Variants in RBBP8 observed in about 807,000 individuals in gnomAD.
RBBP8 encodes the protein DNA endonuclease RBBP8.
Under a neutral mutation model 108.3 loss-of-function variants are expected in RBBP8, and 88 were observed. The observed-to-expected ratio is 0.81, with a 90% confidence interval of 0.68 to 0.97. The LOEUF (loss-of-function observed/expected upper bound fraction) is 0.97, where lower values mean the gene tolerates loss of function less well. Among genes scored for constraint, RBBP8 ranks in the 50% least tolerant of loss-of-function variants. The probability of loss-of-function intolerance (pLI) is 0.00; values close to 1 mark genes in which losing one functional copy is unlikely to be tolerated. For missense variants in RBBP8, 1,023 were observed against 1,049.0 expected (o/e 0.98, Z 0.34); for synonymous variants, 332 against 348.2 (o/e 0.95, Z 0.52).
chr18:23,002,731 A>G (rs952300244), intron 15 of RBBP8, among the ~76,000 whole-genome samples: 6 of 152,114 alleles, frequency 3.9e-5, no homozygotes, highest in Non-Finnish European at 7.4e-5. Context: ...CATACCTTCT[A>G]CTGTGGCACA....
chr18:22,918,888 T>A (rs918200529), intron 3 of RBBP8, among the ~76,000 whole-genome samples: 6 of 152,174 alleles, frequency 3.9e-5, no homozygotes, highest in Non-Finnish European at 5.9e-5. Context: ...CTATATGCTC[T>A]AAGGATTGTG....
intron 6 of RBBP8, among the ~76,000 whole-genome samples, chr18:22,981,052 A>C (rs1263494940): frequency 1.6e-5 from 1 of 64,154 alleles, no homozygotes; most frequent in African/African-American, 4.5e-5. Flanking sequence ...AGCTCACTGC[A>C]AGCTCCGACT....
intron 18 of RBBP8, among the ~76,000 whole-genome samples, chr18:23,022,651 TATAAA>T (rs1555650123): frequency 2.4e-5 from 2 of 84,372 alleles, no homozygotes; most frequent in East Asian, 2.8e-4. Flanking sequence ...TAAAATACAA[TATAAA>T]ATAAAATAAA....
intron 3 of RBBP8, chr18:22,920,894 G>A (rs915345635): frequency 1.2e-4 from 18 of 152,182 alleles, no homozygotes; most frequent in Admixed American, 9.8e-4. Flanking sequence ...ATGAGCAAGT[G>A]AGTGAATCTT....
chr18:22,957,034 G>A (rs1031380686), intron 4 of RBBP8, among the ~76,000 whole-genome samples: 2 of 152,098 alleles, frequency 1.3e-5, no homozygotes, highest in African/African-American at 4.8e-5. Flanking sequence ...GGCAGTCAGT[G>A]AGCTCATTTT....
Position 22,975,134 on chromosome 18 carries a change from T to G in RBBP8, c.362-19T>G. 2 of 1,604,518 alleles carry G rather than the reference T, an allele frequency of 1.2e-6. No homozygotes were observed. Among genetic ancestry groups the G allele is most frequent in the Non-Finnish European group, 8.5e-7 (1 of 1,175,308 alleles). ...AATATAAATATATTATTTGCCTTCT[T>G]TTTCACATTGTTTTTAAGTGAATGA... is the stretch of plus-strand genomic sequence containing the variant. On this transcript the variant is annotated intron_variant, in intron 5 of 18. Transcript: ENST00000327155.
At chr18:22,960,832 A>G (rs1311388972) in intron 4 of RBBP8, among the ~76,000 whole-genome samples, 1 of 152,250 alleles carries the variant, frequency 6.6e-6, no homozygotes, top group Non-Finnish European at 1.5e-5. Flanking sequence ...TAAATATCAC[A>G]ACTATATAGA....
chr18:23,010,382 G>A (rs1417819498), intron 16 of RBBP8, among the ~76,000 whole-genome samples: 2 of 152,100 alleles, frequency 1.3e-5, no homozygotes, highest in African/African-American at 2.4e-5. Flanking sequence ...CGGAAGAATC[G>A]CTTGAGCCCA....
rs758770417 is a variant in RBBP8 at position 22,993,714 on chromosome 18, G to A, written c.1813-7G>A. ...TCATTTAGAGCTAACAATTATTTCT[G>A]TTTTAGAGTGCTGGTTCTCATGAGC... On this transcript the variant is annotated splice_region_variant and splice_polypyrimidine_tract_variant and intron_variant, in intron 11 of 18. Transcript: ENST00000327155. 5.6e-6 allele frequency: 9 copies of A among 1,614,154 alleles called. No homozygotes were observed. The East Asian group carries it at 1.8e-4, about 32-fold the overall frequency.
upstream of RBBP8, among the ~76,000 whole-genome samples, chr18:22,928,581 G>C (rs1344396644): frequency 1.3e-5 from 2 of 152,284 alleles, no homozygotes; most frequent in South Asian, 2.1e-4. Flanking sequence ...AAGAGGGAAA[G>C]AGCAAGGGGT....
At chr18:22,994,522 G>C (rs1304326305) in intron 12 of RBBP8, among the ~76,000 whole-genome samples, 1 of 148,864 alleles carries the variant, frequency 6.7e-6, no homozygotes, top group Non-Finnish European at 1.5e-5. Context: ...GGCGCCTGTA[G>C]TCCCAGCTAT....
chr18:22,980,595 C>T (rs1567974924), intron 6 of RBBP8, among the ~76,000 whole-genome samples: 1 of 151,964 alleles, frequency 6.6e-6, no homozygotes, highest in Non-Finnish European at 1.5e-5. Context: ...GGGAGGGGCA[C>T]CATCAGGTCA....
intron 16 of RBBP8, among the ~76,000 whole-genome samples, chr18:23,014,884 TTTTTG>T (rs980610934): frequency 3.3e-5 from 5 of 152,050 alleles, no homozygotes; most frequent in East Asian, 1.9e-4. Context: ...TTCTGGTTTT[TTTTTG>T]TTTTGTTTTG....
At chr18:23,001,486 C>T (rs1489516401) in intron 14 of RBBP8, 100 bp from the exon 15 acceptor site, 3 of 1,336,276 alleles carry the variant, frequency 2.2e-6, no homozygotes, top group Non-Finnish European at 3.2e-6. Flanking sequence ...TCTTTAAGGA[C>T]TGCATTCTGT....
At chr18:23,002,641 C>G (rs1479076709) in intron 15 of RBBP8, among the ~76,000 whole-genome samples, 1 of 109,946 alleles carries the variant, frequency 9.1e-6, no homozygotes, top group Admixed American at 8.2e-5. Context: ...TGTTAAATCT[C>G]TCATTTTTCT....
intron 15 of RBBP8, among the ~76,000 whole-genome samples, chr18:23,006,050 G>A (rs1412440652): frequency 1.6e-4 from 25 of 152,028 alleles, no homozygotes; most frequent in Admixed American, 1.6e-3. Flanking sequence ...GCCCGGCATG[G>A]TGGTGGGCGC....
At chr18:23,015,216 T>C (rs1393621906) in intron 16 of RBBP8, among the ~76,000 whole-genome samples, 1 of 152,116 alleles carries the variant, frequency 6.6e-6, no homozygotes, top group Non-Finnish European at 1.5e-5. Flanking sequence ...TTCTCATAAA[T>C]AGGATGGCAA....
chr18:22,946,269 G>T, intron 2 of RBBP8, 175 bp from the exon 3 acceptor site: 1 of 721,848 alleles, frequency 1.4e-6, no homozygotes, highest in Non-Finnish European at 2.2e-6. Context: ...TAGACTAAAA[G>T]CAATACATTG....
chr18:22,950,334 C>T (rs1232317499), intron 4 of RBBP8, among the ~76,000 whole-genome samples: 1 of 152,172 alleles, frequency 6.6e-6, no homozygotes, highest in Non-Finnish European at 1.5e-5. Flanking sequence ...CCTGTAATCT[C>T]AATACTTTGG....
Sources: allele counts gnomAD v4.1 joint callset (sites outside exome capture counted in the v4.1 genomes callset), GRCh38; gene constraint gnomAD v4.1.1; transcripts MANE v1.5; gene names NCBI Gene and HGNC (gene_info 2026-07-23, HGNC 2026-07-21).